FRMD8: variants seen among roughly 807,000 people sequenced by gnomAD.
FRMD8 encodes the protein FERM domain-containing protein 8.
A neutral mutation model predicts 54.2 loss-of-function variants in FRMD8; 37 were observed. The observed-to-expected ratio is 0.68, with a 90% CI of 0.53 to 0.90. FRMD8 has a LOEUF of 0.90. FRMD8 is among the 40% of genes least tolerant of loss of function. The pLI is 0.00. For synonymous variants in FRMD8, 246 were observed against 286.9 expected, an observed-to-expected ratio of 0.86 and a Z score of 1.44; for missense variants, 585 against 653.7, an observed-to-expected ratio of 0.89 and a Z score of 1.15.
Position 65,411,596 on chromosome 11 carries a change from A to C in FRMD8, c.*236A>C, listed in dbSNP as rs1253460001. 1 of 421,488 alleles carries C rather than the reference A, an allele frequency of 2.4e-6. No homozygotes were observed. The highest frequency in any genetic ancestry group is 2.0e-5 in the African/African-American group (1 of 49,006). 26.1% of individuals were successfully genotyped at this position (421,488 alleles called of 1,614,324 possible). Reference sequence around the variant, plus strand: ...TGCAGCCTGCCCTCCCTTCCCCCGGATGCTGGGCCCTGCTGCTCTCTCAGG... The same window carrying C: ...TGCAGCCTGCCCTCCCTTCCCCCGGCTGCTGGGCCCTGCTGCTCTCTCAGG... On this transcript the variant is annotated 3_prime_UTR_variant, in exon 11 of 11. Coordinates refer to ENST00000317568, the MANE Select transcript of FRMD8 (RefSeq NM_031904.5).
At chr11:65,402,987 C>T (rs555301692) in intron 9 of FRMD8, among the ~76,000 whole-genome samples, 1 of 152,184 alleles carries the variant, frequency 6.6e-6, no homozygotes, top group South Asian at 2.1e-4. Flanking sequence ...GCATCCTTGA[C>T]CTCTGGGCTC....
At chr11:65,409,370 A>T (rs1284237775) in intron 10 of FRMD8, among the ~76,000 whole-genome samples, 4 of 151,990 alleles carry the variant, frequency 2.6e-5, no homozygotes, top group African/African-American at 7.2e-5. Context: ...TACAGGAATA[A>T]GCCACCGTGC....
chr11:65,393,733 T>C, intron 4 of FRMD8, 59 bp downstream of exon 4: 2 of 1,419,696 alleles, frequency 1.4e-6, no homozygotes, highest in Non-Finnish European at 1.9e-6. Context: ...CATCTCTGGC[T>C]CCCAGCCCAG....
the FRMD8 span, chr11:65,375,825 G>A: frequency 6.5e-6 from 1 of 153,700 alleles, no homozygotes; most frequent in Non-Finnish European, 1.4e-5. Context: ...CACTTTGAGA[G>A]GCCGACGCGG....
the FRMD8 span, among the ~76,000 whole-genome samples, chr11:65,371,646 G>A: frequency 3.9e-5 from 6 of 152,234 alleles, no homozygotes; most frequent in Admixed American, 6.5e-5. Context: ...ACGAAGTCTC[G>A]CTCTGTCATC....
intron 2 of FRMD8, among the ~76,000 whole-genome samples, chr11:65,387,560 A>G (rs1855758083): frequency 6.6e-6 from 1 of 151,720 alleles, no homozygotes; most frequent in African/African-American, 2.4e-5. Flanking sequence ...TCTTTCTTTG[A>G]CAGAGTCTCC....
chr11:65,401,048 G>C (rs769886450), intron 9 of FRMD8, among the ~76,000 whole-genome samples, 181 bp downstream of exon 9: 1 of 152,116 alleles, frequency 6.6e-6, no homozygotes, highest in Non-Finnish European at 1.5e-5. Context: ...TGCCCTGGGA[G>C]GTCAGGAGGC....
At chr11:65,397,403 G>A (rs1229047300) in intron 7 of FRMD8, among the ~76,000 whole-genome samples, 1 of 152,242 alleles carries the variant, frequency 6.6e-6, no homozygotes, top group Non-Finnish European at 1.5e-5. Flanking sequence ...GCCCCTGCCT[G>A]ATGAAGCTGA....
chr11:65,376,153 G>A, the FRMD8 span: 4 of 561,502 alleles, frequency 7.1e-6, no homozygotes, highest in Non-Finnish European at 1.3e-5. Context: ...GCTCACTTGT[G>A]CCTCATGCTC....
chr11:65,379,410 A>T, the FRMD8 span: 1 of 1,612,628 alleles, frequency 6.2e-7, no homozygotes, highest in Non-Finnish European at 8.5e-7. Flanking sequence ...CGCTAGGAAG[A>T]TGTGCATGTA....
chr11:65,387,814 A>C (rs1208494570), intron 2 of FRMD8, among the ~76,000 whole-genome samples: 3 of 152,084 alleles, frequency 2.0e-5, no homozygotes, highest in African/African-American at 4.8e-5. Context: ...CTGGGATTAC[A>C]GGCGTGAGCC....
the FRMD8 span, chr11:65,379,066 C>T: frequency 5.3e-6 from 2 of 376,994 alleles, no homozygotes; most frequent in South Asian, 2.9e-5. Context: ...GAGTGGGCTC[C>T]CCACAGCTCT....
chr11:65,379,936 C>T, the FRMD8 span: 3 of 1,614,218 alleles, frequency 1.9e-6, no homozygotes, highest in Non-Finnish European at 2.5e-6. Flanking sequence ...TCTGCAGCCT[C>T]ACCTGGGTGG....
chr11:65,380,455 T>G, the FRMD8 span: 2 of 1,144,696 alleles, frequency 1.7e-6, no homozygotes, highest in Non-Finnish European at 2.4e-6. Flanking sequence ...AAGACGTACG[T>G]GTCCTCGCTG....
chr11:65,373,022 C>T, the FRMD8 span, among the ~76,000 whole-genome samples: 177 of 152,194 alleles, frequency 1.2e-3, 2 homozygotes, highest in African/African-American at 4.0e-3. Context: ...GAGGCTGAGG[C>T]GGGCGGATCA....
intron 2 of FRMD8, among the ~76,000 whole-genome samples, chr11:65,388,067 G>T (rs1222926096): frequency 6.6e-6 from 1 of 152,072 alleles, no homozygotes; most frequent in African/African-American, 2.4e-5. Context: ...AGGAGGCTGA[G>T]GCAGGAGAAT....
Position 65,412,812 on chromosome 11 carries a change from G to A in FRMD8, c.*1452G>A, listed in dbSNP as rs955109885. Reference sequence around the variant, plus strand: ...ATGGACTTTGTTAAAATAATAGGCGGAAAGAAGAGGCCTGGGAAGGGCCCC... The same window carrying A: ...ATGGACTTTGTTAAAATAATAGGCGAAAAGAAGAGGCCTGGGAAGGGCCCC... On this transcript the variant is annotated 3_prime_UTR_variant, in exon 11 of 11. Transcript: ENST00000317568. The A allele has an allele frequency of 5.9e-5, 9 of 152,192 alleles. No individual in the cohort carries two copies. The highest frequency in any genetic ancestry group is 1.0e-4 in the Non-Finnish European group (7 of 68,048). 9.4% of individuals were successfully genotyped at this position (152,192 alleles called of 1,614,324 possible).
chr11:65,376,142 A>T, the FRMD8 span: 1 of 528,998 alleles, frequency 1.9e-6, no homozygotes. Flanking sequence ...ACCACTTGCC[A>T]GCTCACTTGT....
intron 10 of FRMD8, among the ~76,000 whole-genome samples, chr11:65,408,248 A>G (rs1236696041): frequency 6.6e-6 from 1 of 151,494 alleles, no homozygotes; most frequent in Non-Finnish European, 1.5e-5. Flanking sequence ...CTAATTTTGT[A>G]TTTTTAGTAG....
Sources: allele counts gnomAD v4.1 joint callset (sites outside exome capture counted in the v4.1 genomes callset), GRCh38; gene constraint gnomAD v4.1.1; transcripts MANE v1.5; gene names NCBI Gene and HGNC (gene_info 2026-07-23, HGNC 2026-07-21).